POFUT3: variants seen among roughly 807,000 people sequenced by gnomAD.
POFUT3 encodes protein O-fucosyltransferase 3.
chr8:33,461,614 C>T, the POFUT3 span: 20 of 1,531,350 alleles, frequency 1.3e-5, no homozygotes, highest in Admixed American at 3.9e-5. Flanking sequence ...GACTGAGATC[C>T]GAGGTTGTGA....
the POFUT3 span, among the ~76,000 whole-genome samples, chr8:33,470,723 C>T: frequency 6.6e-6 from 1 of 152,150 alleles, no homozygotes; most frequent in Admixed American, 6.5e-5. Flanking sequence ...CCCTGATCTG[C>T]TTTTATCATT....
At chr8:33,327,836 C>G in the POFUT3 span, among the ~76,000 whole-genome samples, 1 of 152,192 alleles carries the variant, frequency 6.6e-6, no homozygotes, top group Non-Finnish European at 1.5e-5. Context: ...CCAGCCTAGA[C>G]TTCCTGTTTT....
chr8:33,404,297 C>A, the POFUT3 span, among the ~76,000 whole-genome samples: 1 of 150,094 alleles, frequency 6.7e-6, no homozygotes, highest in Admixed American at 6.6e-5. Context: ...AAGATCACAC[C>A]ACTGCACTCC....
chr8:33,386,585 A>C, the POFUT3 span, among the ~76,000 whole-genome samples: 1 of 152,088 alleles, frequency 6.6e-6, no homozygotes, highest in Non-Finnish European at 1.5e-5. Context: ...CTGAGGCGGG[A>C]GGATCACGAG....
At chr8:33,470,912 G>C in the POFUT3 span, among the ~76,000 whole-genome samples, 1 of 152,032 alleles carries the variant, frequency 6.6e-6, no homozygotes, top group Non-Finnish European at 1.5e-5. Flanking sequence ...TCAAGAGACA[G>C]TAATCCAGAC....
the POFUT3 span, among the ~76,000 whole-genome samples, chr8:33,454,490 C>T: frequency 6.6e-6 from 1 of 152,174 alleles, no homozygotes; most frequent in Admixed American, 6.5e-5. Context: ...TCACATTGAT[C>T]CCATCTGCAA....
chr8:33,410,369 C>T, the POFUT3 span, among the ~76,000 whole-genome samples: 1 of 152,178 alleles, frequency 6.6e-6, no homozygotes, highest in South Asian at 2.1e-4. Context: ...GATTCTAATG[C>T]TGCCCAGTAG....
the POFUT3 span, among the ~76,000 whole-genome samples, chr8:33,468,047 C>A: frequency 6.6e-6 from 1 of 152,068 alleles, no homozygotes; most frequent in African/African-American, 2.4e-5. Flanking sequence ...TGAGACCAGC[C>A]TGGACAACAC....
the POFUT3 span, among the ~76,000 whole-genome samples, chr8:33,421,442 G>A: frequency 8.5e-5 from 13 of 152,058 alleles, no homozygotes; most frequent in Admixed American, 7.9e-4. Flanking sequence ...TATGACCTAC[G>A]ACCCAGAATT....
the POFUT3 span, among the ~76,000 whole-genome samples, chr8:33,318,117 A>G: frequency 6.6e-6 from 1 of 152,070 alleles, no homozygotes; most frequent in South Asian, 2.1e-4. Context: ...CCTGTTATCT[A>G]TGCATTGGAC....
At chr8:33,467,495 C>A in the POFUT3 span, among the ~76,000 whole-genome samples, 1 of 152,032 alleles carries the variant, frequency 6.6e-6, no homozygotes, top group Non-Finnish European at 1.5e-5. Flanking sequence ...TGGGACAGAA[C>A]AATATGTATA....
the POFUT3 span, among the ~76,000 whole-genome samples, chr8:33,374,478 C>T: frequency 2.0e-5 from 3 of 151,952 alleles, no homozygotes; most frequent in South Asian, 2.1e-4. Context: ...ACTAATGAAA[C>T]GTGATGGTTT....
At chr8:33,453,329 GA>G in the POFUT3 span, 3 of 1,614,194 alleles carry the variant, frequency 1.9e-6, no homozygotes, top group African/African-American at 4.0e-5. Flanking sequence ...CGTCAGCGGG[GA>G]CCACCAGAGC....
chr8:33,418,277 G>A, the POFUT3 span, among the ~76,000 whole-genome samples: 5 of 152,136 alleles, frequency 3.3e-5, no homozygotes, highest in Non-Finnish European at 7.4e-5. Context: ...CAGCCTCCAC[G>A]CACTTTCACC....
the POFUT3 span, among the ~76,000 whole-genome samples, chr8:33,348,068 C>A: frequency 6.6e-6 from 1 of 151,568 alleles, no homozygotes; most frequent in African/African-American, 2.4e-5. Flanking sequence ...ATCTCAGCCA[C>A]TCGGGAGGCT....
chr8:33,434,916 C>T, the POFUT3 span, among the ~76,000 whole-genome samples: 1 of 152,218 alleles, frequency 6.6e-6, no homozygotes, highest in African/African-American at 2.4e-5. Flanking sequence ...TGCAGGTGCA[C>T]TGGCTCACTG....
chr8:33,435,034 G>A, the POFUT3 span, among the ~76,000 whole-genome samples: 1 of 152,092 alleles, frequency 6.6e-6, no homozygotes, highest in Non-Finnish European at 1.5e-5. Flanking sequence ...ATCAACAACA[G>A]GAAGGAGACA....
chr8:33,456,774 T>G, the POFUT3 span, among the ~76,000 whole-genome samples: 5 of 146,440 alleles, frequency 3.4e-5, no homozygotes, highest in African/African-American at 9.9e-5. Context: ...CTTTTTTCTT[T>G]TTTTTTTTTT....
At chr8:33,467,065 C>T in the POFUT3 span, among the ~76,000 whole-genome samples, 1 of 151,622 alleles carries the variant, frequency 6.6e-6, no homozygotes, top group South Asian at 2.1e-4. Context: ...GAGATCGTAC[C>T]ACTGCACTCC....
Sources: allele counts gnomAD v4.1 joint callset (sites outside exome capture counted in the v4.1 genomes callset), GRCh38; gene constraint gnomAD v4.1.1; transcripts MANE v1.5; gene names NCBI Gene and HGNC (gene_info 2026-07-23, HGNC 2026-07-21).